Variants in COL26A1 observed in about 807,000 individuals in gnomAD.
COL26A1 encodes the protein collagen alpha-1(XXVI) chain.
COL26A1 carries 41 observed loss-of-function variants against 59.3 expected under a neutral mutation model. The observed-to-expected ratio is 0.69, with a 90% confidence interval of 0.54 to 0.90. COL26A1 has a LOEUF of 0.90. COL26A1 is among the 40% of genes least tolerant of loss of function. The pLI is 0.00. For synonymous variants in COL26A1, 266 were observed against 256.0 expected (o/e 1.04, Z -0.37); for missense variants, 612 against 602.3 (o/e 1.02, Z -0.17).
At chr7:101,514,195 G>A (rs1241040647) in intron 3 of COL26A1, among the ~76,000 whole-genome samples, 1 of 151,876 alleles carries the variant, frequency 6.6e-6, no homozygotes, top group African/African-American at 2.4e-5. Context: ...AAAATTAGCC[G>A]GGCGTGGTGG....
chr7:101,394,809 T>G (rs771901187), intron 1 of COL26A1, among the ~76,000 whole-genome samples: 10 of 151,212 alleles, frequency 6.6e-5, no homozygotes, highest in Non-Finnish European at 1.5e-4. Context: ...GCAGGAGACC[T>G]CCAGTTCTCC....
chr7:101,549,264 G>A (rs773487081), intron 9 of COL26A1, 41 bp downstream of exon 9: 24 of 1,429,848 alleles, frequency 1.7e-5, no homozygotes, highest in East Asian at 2.4e-5. Context: ...GGGAGGCGGC[G>A]GGTGGCGGGT....
rs184986574 is a variant in COL26A1, at chr7:101,440,288, C to T, written c.282-7396C>T. 4.7e-3 allele frequency among the ~76,000 whole-genome samples: 572 copies of T among 121,436 alleles called. 3 individuals carry two copies. Among genetic ancestry groups the T allele is most frequent in the African/African-American group, 0.013 (522 of 40,116 alleles). The allele number at this position is 121,436 out of a possible 152,430, so 79.7% of individuals were successfully genotyped here. On this transcript the variant is annotated intron_variant, in intron 2 of 12. Transcript: ENST00000313669. ...GGCTGAGGCAGGAGAATCGCTTGAA[C>T]CCGGGAGGTGAAGGCTGCAGGGAGC...
intron 2 of COL26A1, among the ~76,000 whole-genome samples, chr7:101,434,746 G>A (rs1313267299): frequency 6.6e-6 from 1 of 152,206 alleles, no homozygotes; most frequent in Non-Finnish European, 1.5e-5. Flanking sequence ...CTCCGGTTGG[G>A]TGTACTGGGG....
intron 1 of COL26A1, among the ~76,000 whole-genome samples, chr7:101,369,274 G>T (rs192677336): frequency 2.3e-4 from 35 of 151,834 alleles, no homozygotes; most frequent in Admixed American, 1.9e-3. Flanking sequence ...GGGCATGGTG[G>T]CGCATGCCTG....
intron 3 of COL26A1, among the ~76,000 whole-genome samples, chr7:101,529,467 C>T (rs1039485670): frequency 6.6e-6 from 1 of 152,086 alleles, no homozygotes; most frequent in Non-Finnish European, 1.5e-5. Context: ...CAGGGTTTCA[C>T]CATGTTGGCC....
At chr7:101,394,585 C>CTTTTTTTTTTT (rs59966789) in intron 1 of COL26A1, among the ~76,000 whole-genome samples, 1 of 122,794 alleles carries the variant, frequency 8.1e-6, no homozygotes, top group Non-Finnish European at 1.6e-5. Flanking sequence ...TTTTTCTTTT[C>CTTTTTTTTTTT]TTTTTTTTTT....
Position 101,489,842 on chromosome 7 carries a change from CTTTCTTTCTTT to C in COL26A1, c.385+42056_385+42066del, listed in dbSNP as rs1794402485. Among the ~76,000 whole-genome samples, 12 of 20,768 alleles carry C rather than the reference CTTTCTTTCTTT, an allele frequency of 5.8e-4. 1 individual carries two copies. Among genetic ancestry groups the C allele is most frequent in the Non-Finnish European group, 7.7e-4 (10 of 12,956 alleles). 13.6% of individuals were successfully genotyped at this position (20,768 alleles called of 152,430 possible). A position where few individuals can be genotyped will look rare whatever the true frequency, so the allele number is the denominator to read the frequency against. On this transcript the variant is annotated intron_variant, in intron 3 of 12. Transcript: ENST00000313669. Reference sequence around the variant, plus strand: ...TCTTTCTTTCTTTCTTTCTTTCTTTCTTTCTTTCTTTCTTTCTTTCTTTCTTTCTTTCTTTC... The same window carrying C: ...TCTTTCTTTCTTTCTTTCTTTCTTTCCTTTCTTTCTTTCTTTCTTTCTTTC...
chr7:101,375,276 A>G (rs982244870), intron 1 of COL26A1, among the ~76,000 whole-genome samples: 8 of 152,100 alleles, frequency 5.3e-5, no homozygotes, highest in Non-Finnish European at 1.2e-4. Flanking sequence ...AATATTAATC[A>G]AGCGCTTAGA....
rs188247131 is a variant in COL26A1 at position 101,452,664 on chromosome 7, A to T, written c.385+4877A>T. 3.9e-5 allele frequency among the ~76,000 whole-genome samples: 6 copies of T among 152,280 alleles called. No homozygotes were observed. In the East Asian group the frequency reaches 1.2e-3, roughly 29 times the overall value. On this transcript the variant is annotated intron_variant, in intron 3 of 12. Transcript: ENST00000313669. The stretch of plus-strand genomic sequence containing the variant: ...CTACAAACCTGTATAGCATGTGACT[A>T]TGCTGAATTCTGGAGGCATTAGGAA...
intron 9 of COL26A1, among the ~76,000 whole-genome samples, chr7:101,550,602 G>GT (rs1271333822): frequency 6.8e-6 from 1 of 147,916 alleles, no homozygotes; most frequent in African/African-American, 2.4e-5. Context: ...CAGCTGGGAG[G>GT]ACCAGGGAGG....
intron 1 of COL26A1, among the ~76,000 whole-genome samples, chr7:101,380,152 T>G (rs1244765650): frequency 6.6e-6 from 1 of 152,038 alleles, no homozygotes; most frequent in African/African-American, 2.4e-5. Flanking sequence ...CCACCATAGC[T>G]GGCTAATTTT....
At chr7:101,541,045 C>G (rs571092222) in intron 5 of COL26A1, among the ~76,000 whole-genome samples, 1 of 152,300 alleles carries the variant, frequency 6.6e-6, no homozygotes, top group African/African-American at 2.4e-5. Context: ...TGGAAACAAC[C>G]AGCTACTGGG....
chr7:101,436,122 C>A (rs2130339516), intron 2 of COL26A1, among the ~76,000 whole-genome samples: 1 of 152,268 alleles, frequency 6.6e-6, no homozygotes, highest in South Asian at 2.1e-4. Flanking sequence ...CCCCGCACCG[C>A]CCCCAGGTGG....
chr7:101,464,297 A>C (rs1303798934), intron 3 of COL26A1, among the ~76,000 whole-genome samples: 5 of 151,586 alleles, frequency 3.3e-5, no homozygotes, highest in African/African-American at 4.9e-5. Context: ...ATAGTGTTTC[A>C]CCATGTTGGT....
intron 4 of COL26A1, among the ~76,000 whole-genome samples, chr7:101,535,770 A>T (rs1304520568): frequency 2.0e-5 from 3 of 152,088 alleles, no homozygotes; most frequent in African/African-American, 7.2e-5. Flanking sequence ...GGAAAATGGA[A>T]ATTGGAGTCA....
chr7:101,558,626 G>T lies in COL26A1; in HGVS notation c.*1096G>T, dbSNP rs1006618586. 2 of 152,226 alleles carry T rather than the reference G, an allele frequency of 1.3e-5. No homozygotes were observed. Among genetic ancestry groups the T allele is most frequent in the African/African-American group, 4.8e-5 (2 of 41,428 alleles). 9.4% of individuals were successfully genotyped at this position (152,226 alleles called of 1,614,324 possible). A position where few individuals can be genotyped will look rare whatever the true frequency, so the allele number is the denominator to read the frequency against. ...CCTTCCAGAGTTGGGGGCCTGGCAG[G>T]CTCCATGGCAGGCACCAGGTCCCTA... On this transcript the variant is annotated 3_prime_UTR_variant, in exon 13 of 13. Transcript: ENST00000313669.
intron 1 of COL26A1, among the ~76,000 whole-genome samples, chr7:101,410,646 C>G (rs1316192334): frequency 6.6e-6 from 1 of 152,044 alleles, no homozygotes; most frequent in Non-Finnish European, 1.5e-5. Context: ...TCCTGAGTAG[C>G]TGGGACTACA....
At chr7:101,410,907 C>T (rs780077314) in intron 1 of COL26A1, among the ~76,000 whole-genome samples, 2 of 152,056 alleles carry the variant, frequency 1.3e-5, no homozygotes, top group African/African-American at 2.4e-5. Flanking sequence ...GGTCTTGCTA[C>T]GTTGCCCAGG....
Sources: gnomAD v4.1 joint callset for allele counts (sites outside exome capture counted in the v4.1 genomes callset) on GRCh38, gnomAD v4.1.1 for gene constraint, MANE v1.5 for transcripts, NCBI Gene and HGNC (gene_info 2026-07-23, HGNC 2026-07-21) for gene names.